Variants in KCNH1 observed in about 807,000 individuals in gnomAD.
The protein encoded by KCNH1 is potassium voltage-gated channel subfamily H member 1, also known as voltage-gated delayed rectifier potassium channel KCNH1.
In KCNH1, 27 loss-of-function variants were observed where a neutral mutation model predicts 69.2. That is an observed-to-expected ratio of 0.39 (90% confidence interval 0.29 to 0.54). KCNH1 has a LOEUF of 0.54. Ranked by LOEUF, KCNH1 falls within the 20% of genes least tolerant of loss-of-function variation. The pLI is 0.68. For missense variants in KCNH1, 798 were observed against 1,261.6 expected (o/e 0.63, Z 5.57); for synonymous variants, 456 against 487.7 (o/e 0.93, Z 0.86).
chr1:211,087,606 TACACACAC>T lies in KCNH1; in HGVS notation c.439+2948_439+2955del, dbSNP rs59377189. Among the ~76,000 whole-genome samples the T allele has an allele frequency of 3.9e-3, 554 of 142,748 alleles. 1 individual carries two copies. The highest frequency in any genetic ancestry group is 6.1e-3 in the African/African-American group (233 of 38,124). The allele number at this position is 142,748 out of a possible 152,430, so 93.6% of individuals were successfully genotyped here. ...TACTCTCTCATTCAGCCTTTAAGCA[TACACACAC>T]ACACACACACACACACACACACACG... is the stretch of plus-strand genomic sequence containing the variant. On this transcript the variant is annotated intron_variant, in intron 4 of 10. Coordinates refer to ENST00000271751, the MANE Select transcript of KCNH1 (RefSeq NM_172362.3).
intron 6 of KCNH1, among the ~76,000 whole-genome samples, chr1:210,997,588 G>T (rs1244965285): frequency 6.6e-6 from 1 of 152,210 alleles, no homozygotes; most frequent in Non-Finnish European, 1.5e-5. Flanking sequence ...AAAACACTCT[G>T]CAGGATATTA....
At position 210,937,538 on chromosome 1, in the gene KCNH1, T is replaced by C. The variant is rs570034946; in HGVS notation, c.1033-17469A>G. On this transcript the variant is annotated intron_variant, in intron 6 of 10. Transcript: ENST00000271751. ...GGCTAGAGCATGGCAGTACTGCTAG[T>C]TCCCAGAGGCAGTGGGTCATGGTTC... is the stretch of plus-strand genomic sequence containing the variant. 2.0e-5 allele frequency among the ~76,000 whole-genome samples: 3 copies of C among 152,306 alleles called. No homozygotes were observed. In the East Asian group the frequency reaches 5.8e-4, roughly 29 times the overall value.
At chr1:211,004,967 T>C (rs1689249995) in intron 6 of KCNH1, among the ~76,000 whole-genome samples, 1 of 152,090 alleles carries the variant, frequency 6.6e-6, no homozygotes, top group Admixed American at 6.5e-5. Flanking sequence ...AGTTGTTTCT[T>C]TGGAAACATT....
intron 7 of KCNH1, among the ~76,000 whole-genome samples, chr1:210,864,560 A>T (rs1035204712): frequency 6.6e-6 from 1 of 152,206 alleles, no homozygotes; most frequent in Non-Finnish European, 1.5e-5. Context: ...TGGTAACCCT[A>T]AGGGTTTGGG....
At chr1:210,736,645 GA>G (rs1207947602) in intron 10 of KCNH1, among the ~76,000 whole-genome samples, 3 of 151,578 alleles carry the variant, frequency 2.0e-5, no homozygotes, top group East Asian at 1.9e-4. Context: ...CAGATACAGA[GA>G]AAAAAAACAC....
At chr1:210,929,163 C>T (rs749681918) in intron 6 of KCNH1, among the ~76,000 whole-genome samples, 7 of 152,064 alleles carry the variant, frequency 4.6e-5, no homozygotes, top group Non-Finnish European at 7.4e-5. Context: ...GGGAATCCTC[C>T]GTAAATCATT....
intron 6 of KCNH1, among the ~76,000 whole-genome samples, chr1:210,972,237 A>G (rs17017085): frequency 0.08 from 12,198 of 151,992 alleles, 1,346 homozygotes; most frequent in African/African-American, 0.25. Context: ...GTATCTCTTG[A>G]TCCTTACAAG....
chr1:210,826,293 T>A (rs79991589), intron 7 of KCNH1, among the ~76,000 whole-genome samples: 1 of 152,320 alleles, frequency 6.6e-6, no homozygotes, highest in East Asian at 1.9e-4. Flanking sequence ...GCTCTGAGCT[T>A]CTTTCTACTT....
chr1:211,021,616 TAAAC>T (rs780795479), intron 5 of KCNH1, among the ~76,000 whole-genome samples: 3 of 151,420 alleles, frequency 2.0e-5, no homozygotes, highest in South Asian at 2.1e-4. Flanking sequence ...TTAGAACTGA[TAAAC>T]AAATTCACTA....
chr1:211,047,448 C>T (rs185324665), intron 5 of KCNH1, among the ~76,000 whole-genome samples: 1 of 152,228 alleles, frequency 6.6e-6, no homozygotes, highest in East Asian at 1.9e-4. Context: ...GGTGGGGACA[C>T]GCTTACAGAG....
intron 10 of KCNH1, among the ~76,000 whole-genome samples, chr1:210,736,050 T>A (rs1366506445): frequency 6.6e-6 from 1 of 152,188 alleles, no homozygotes; most frequent in Non-Finnish European, 1.5e-5. Context: ...ACTTTTTTTT[T>A]TAGAGATAGG....
chr1:211,041,871 G>A (rs1444192510), intron 5 of KCNH1, among the ~76,000 whole-genome samples: 2 of 152,040 alleles, frequency 1.3e-5, no homozygotes, highest in Admixed American at 1.3e-4. Context: ...TCTCGTGCCT[G>A]AGCCTCCTGA....
chr1:210,759,537 C>T (rs763690873), intron 10 of KCNH1, among the ~76,000 whole-genome samples: 28 of 152,024 alleles, frequency 1.8e-4, no homozygotes, highest in Admixed American at 6.5e-4. Context: ...GAAGCCTTAA[C>T]AACAGACTAG....
At chr1:210,994,058 TA>T (rs1558558588) in intron 6 of KCNH1, among the ~76,000 whole-genome samples, 1 of 152,228 alleles carries the variant, frequency 6.6e-6, no homozygotes, top group South Asian at 2.1e-4. Context: ...TAAAATGTAA[TA>T]AAAAAATTAA....
intron 10 of KCNH1, among the ~76,000 whole-genome samples, chr1:210,771,449 A>C (rs1207993084): frequency 6.6e-6 from 1 of 152,212 alleles, no homozygotes; most frequent in Non-Finnish European, 1.5e-5. Flanking sequence ...TCCCAGAGCG[A>C]CTGATCCCTC....
intron 7 of KCNH1, among the ~76,000 whole-genome samples, chr1:210,877,534 A>T (rs940934621): frequency 3.9e-5 from 6 of 152,218 alleles, no homozygotes; most frequent in Non-Finnish European, 8.8e-5. Context: ...AACATTACTG[A>T]CAATGATGGG....
At chr1:210,925,195 A>G (rs1409658364) in intron 6 of KCNH1, among the ~76,000 whole-genome samples, 1 of 152,252 alleles carries the variant, frequency 6.6e-6, no homozygotes, top group Non-Finnish European at 1.5e-5. Context: ...AAAGGAATTC[A>G]AAACAACGCT....
intron 3 of KCNH1, among the ~76,000 whole-genome samples, chr1:211,094,946 C>A (rs183563982): frequency 6.6e-5 from 10 of 152,250 alleles, no homozygotes; most frequent in Admixed American, 5.9e-4. Context: ...TTCAGGTGAA[C>A]GTGAACCATC....
At chr1:210,985,338 T>C (rs572293914) in intron 6 of KCNH1, among the ~76,000 whole-genome samples, 1 of 152,334 alleles carries the variant, frequency 6.6e-6, no homozygotes, top group African/African-American at 2.4e-5. Context: ...TTGAATGAGT[T>C]TGCTCTTGCT....
Sources: gnomAD v4.1 joint callset for allele counts (sites outside exome capture counted in the v4.1 genomes callset) on GRCh38, gnomAD v4.1.1 for gene constraint, MANE v1.5 for transcripts, NCBI Gene and HGNC (gene_info 2026-07-23, HGNC 2026-07-21) for gene names.